LRP11: variants seen among roughly 807,000 people sequenced by gnomAD.
LRP11 encodes the protein low-density lipoprotein receptor-related protein 11.
A neutral mutation model predicts 43.1 loss-of-function variants in LRP11; 25 were observed. The ratio of observed to expected loss-of-function variants is 0.58; its 90% CI spans 0.42 to 0.81. LRP11 has a LOEUF of 0.81. Among genes scored for constraint, LRP11 ranks in the 30% least tolerant of loss-of-function variants. LRP11 has a pLI of 0.00. For synonymous variants in LRP11, 316 were observed against 299.4 expected (o/e 1.06, Z -0.57); for missense variants, 623 against 665.1 (o/e 0.94, Z 0.70).
At chr6:149,853,327 T>C in intron 1 of LRP11, 167 bp from the exon 2 acceptor site, 1 of 621,262 alleles carries the variant, frequency 1.6e-6, no homozygotes, top group Non-Finnish European at 2.5e-6. Context: ...GGAATTTAGC[T>C]ATAATATGCG....
intron 6 of LRP11, among the ~76,000 whole-genome samples, chr6:149,823,372 G>A (rs564166073): frequency 2.6e-5 from 4 of 152,262 alleles, no homozygotes; most frequent in East Asian, 1.9e-4. Context: ...TGAAAAACAC[G>A]GGAGAGCTAG....
chr6:149,851,196 C>T (rs1054277025), intron 2 of LRP11, among the ~76,000 whole-genome samples: 2 of 152,100 alleles, frequency 1.3e-5, no homozygotes, highest in African/African-American at 4.8e-5. Flanking sequence ...CTCTTGAAGG[C>T]AAGAAAAATG....
At chr6:149,847,887 T>C (rs1776662775) in intron 2 of LRP11, among the ~76,000 whole-genome samples, 1 of 150,462 alleles carries the variant, frequency 6.6e-6, no homozygotes, top group African/African-American at 2.5e-5. Flanking sequence ...ACATTGTATA[T>C]ACTTGGTTAC....
intron 3 of LRP11, among the ~76,000 whole-genome samples, chr6:149,839,268 T>C (rs1395547841): frequency 2.0e-5 from 3 of 152,032 alleles, no homozygotes; most frequent in South Asian, 2.1e-4. Context: ...GTGAGGCAAT[T>C]TGAAGATATA....
At chr6:149,847,015 A>C (rs1427748464) in intron 2 of LRP11, among the ~76,000 whole-genome samples, 1 of 148,942 alleles carries the variant, frequency 6.7e-6, no homozygotes, top group Non-Finnish European at 1.5e-5. Flanking sequence ...ATAGAATAGA[A>C]TAAACCAAGG....
At chr6:149,823,120 G>A (rs1460168076) in intron 6 of LRP11, among the ~76,000 whole-genome samples, 1 of 152,132 alleles carries the variant, frequency 6.6e-6, no homozygotes, top group Non-Finnish European at 1.5e-5. Flanking sequence ...GAGGACAACC[G>A]CTATAGTAGG....
intron 1 of LRP11, among the ~76,000 whole-genome samples, chr6:149,862,577 CTTTTT>C (rs10553273): frequency 4.0e-5 from 5 of 126,200 alleles, no homozygotes; most frequent in Non-Finnish European, 4.8e-5. Flanking sequence ...TTTTCTTTTC[CTTTTT>C]TTTTTTTTTT....
chr6:149,863,847 C>T lies in LRP11; in HGVS notation c.174G>A (p.Leu58=). The change falls in exon 1 of 7, where the codon CTG becomes CTA. Residue 58 remains leucine (L), a synonymous_variant. Coordinates refer to ENST00000239367, the MANE Select transcript of LRP11 (RefSeq NM_032832.6). ...LHAQLSGVEQ[L]LEEFRRQLQQ... ...GCAGTTGCCGGCGGAACTCCTCCAG[C>T]AGCTGCTCCACGCCCGACAGCTGCG... 6.6e-7 allele frequency: 1 copy of T among 1,512,486 alleles called. No homozygotes were observed. Among genetic ancestry groups the T allele is most frequent in the South Asian group, 1.2e-5 (1 of 81,332 alleles). 93.7% of individuals were successfully genotyped at this position (1,512,486 alleles called of 1,614,324 possible).
Position 149,864,308 on chromosome 6 carries a change from G to T in LRP11, c.-288C>A, listed in dbSNP as rs1583105181. On this transcript the variant is annotated 5_prime_UTR_variant, in exon 1 of 7. Coordinates refer to ENST00000239367, the MANE Select transcript of LRP11 (RefSeq NM_032832.6). ...TCCGCCCCGGCCTGCGGCGCGCTGG[G>T]TGGCGACGAGTCGGCCTCGGCGTTG... The T allele has an allele frequency of 5.8e-6, 6 of 1,034,820 alleles. No homozygotes were observed. The South Asian group carries it at 2.8e-4, about 48-fold the overall frequency. 64.1% of individuals were successfully genotyped at this position (1,034,820 alleles called of 1,614,324 possible).
At chr6:149,852,909 G>C (rs750851329) in intron 2 of LRP11, 94 bp downstream of exon 2, 1 of 1,130,250 alleles carries the variant, frequency 8.8e-7, no homozygotes, top group Non-Finnish European at 1.2e-6. Flanking sequence ...TTCTGCTAGC[G>C]TACAGACATT....
At position 149,844,819 on chromosome 6, in the gene LRP11, A is replaced by C. The variant is rs76096184; in HGVS notation, c.772-1695T>G. On this transcript the variant is annotated intron_variant, in intron 2 of 6. Transcript: ENST00000239367. ...GGCTTAGAGGATTTGTCAACATTAC[A>C]TATACACACCCATAGGATGCTTTAC... Among the ~76,000 whole-genome samples the C allele has an allele frequency of 6.8e-3, 1,035 of 152,314 alleles. 10 individuals are homozygous for C. Among genetic ancestry groups the C allele is most frequent in the African/African-American group, 0.024 (990 of 41,578 alleles).
In LRP11 at chr6:149,818,982, C is replaced by G. The variant is rs1480629610; in HGVS notation, c.*1567G>C. 1.3e-5 allele frequency: 2 copies of G among 152,564 alleles called. No homozygotes were observed. Among genetic ancestry groups the G allele is most frequent in the East Asian group, 3.8e-4 (2 of 5,202 alleles). 9.5% of individuals were successfully genotyped at this position (152,564 alleles called of 1,614,324 possible). A position where few individuals can be genotyped will look rare whatever the true frequency, so the allele number is the denominator to read the frequency against. On this transcript the variant is annotated 3_prime_UTR_variant, in exon 7 of 7. Coordinates refer to ENST00000239367, the MANE Select transcript of LRP11 (RefSeq NM_032832.6). ...TAGTTGACATCTTTCCATATAAAAA[C>G]AAACTGCACAGCATCACATATAGAG...
At position 149,843,077 on chromosome 6, in the gene LRP11, G is replaced by T; in HGVS notation, c.819C>A (p.Thr273=). Residue 273 remains threonine (T), a synonymous_variant, in exon 3 of 7, where the codon ACC becomes ACA. Coordinates refer to ENST00000239367, the MANE Select transcript of LRP11 (RefSeq NM_032832.6). ...CCGTCACGGTCAGCTGGAAGGTGTA[G>T]GTTCCCTCCTGTAGGTGGGACAGCT... ...TLKLSHLQEG[T]YTFQLTVTDT... 1 of 1,614,170 alleles carries T rather than the reference G, an allele frequency of 6.2e-7. No homozygotes were observed. Among genetic ancestry groups the T allele is most frequent in the Non-Finnish European group, 8.5e-7 (1 of 1,180,026 alleles).
chr6:149,863,669 G>A lies in LRP11; in HGVS notation c.352C>T (p.Leu118=), dbSNP rs1776976573. Residue 118 remains leucine, a synonymous_variant, in exon 1 of 7, where the codon CTG becomes TTG. Coordinates refer to ENST00000239367, the MANE Select transcript of LRP11 (RefSeq NM_032832.6). ...KDSLAAGASF[L]RAPAAVRGWR... is the part of the protein sequence containing the mutation. Reference sequence around the variant, plus strand: ...CCCCGCACGGCCGCCGGCGCCCGCAGGAAGCTGGCACCCGCCGCCAGGGAG... The same window carrying A: ...CCCCGCACGGCCGCCGGCGCCCGCAAGAAGCTGGCACCCGCCGCCAGGGAG... 3.4e-6 allele frequency: 5 copies of A among 1,474,626 alleles called. No individual in the cohort carries two copies. The highest frequency in any genetic ancestry group is 4.5e-6 in the Non-Finnish European group (5 of 1,119,738). 91.3% of individuals were successfully genotyped at this position (1,474,626 alleles called of 1,614,324 possible). A position where few individuals can be genotyped will look rare whatever the true frequency, so the allele number is the denominator to read the frequency against.
chr6:149,826,107 G>T, intron 6 of LRP11, 157 bp downstream of exon 6: 1 of 681,492 alleles, frequency 1.5e-6, no homozygotes, highest in Non-Finnish European at 2.7e-6. Flanking sequence ...GCCCCAAGAC[G>T]CAGTGCAATA....
intron 5 of LRP11, 111 bp from the exon 6 acceptor site, chr6:149,826,470 G>A (rs1323208881): frequency 2.8e-6 from 2 of 705,374 alleles, no homozygotes; most frequent in Non-Finnish European, 4.8e-6. Flanking sequence ...GAGAAGAACT[G>A]TTTATTTCTC....
intron 2 of LRP11, among the ~76,000 whole-genome samples, chr6:149,851,384 G>GA (rs1776716745): frequency 6.6e-6 from 1 of 152,198 alleles, no homozygotes; most frequent in Non-Finnish European, 1.5e-5. Context: ...ATTAATATGA[G>GA]AAAATCCAGA....
intron 5 of LRP11, among the ~76,000 whole-genome samples, chr6:149,834,053 T>C (rs1776441544): frequency 6.6e-6 from 1 of 151,894 alleles, no homozygotes. Flanking sequence ...CAGGCCCCAG[T>C]GTGTGTTGTT....
intron 1 of LRP11, among the ~76,000 whole-genome samples, chr6:149,859,584 T>C (rs1562448175): frequency 2.6e-5 from 4 of 151,426 alleles, no homozygotes; most frequent in Admixed American, 1.3e-4. Context: ...TTAGTACAGA[T>C]GGAGTTTCAC....
Sources: allele counts gnomAD v4.1 joint callset (sites outside exome capture counted in the v4.1 genomes callset), GRCh38; gene constraint gnomAD v4.1.1; transcripts MANE v1.5; gene names NCBI Gene and HGNC (gene_info 2026-07-23, HGNC 2026-07-21).